The following RCAN2 variants were observed in gnomAD, a reference collection of about 807,000 sequenced individuals.
RCAN2 encodes calcipressin-2.
A neutral mutation model predicts 23.6 loss-of-function variants in RCAN2; 9 were observed. The observed-to-expected ratio is 0.38, with a 90% CI of 0.23 to 0.67. The LOEUF is 0.67. Ranked by LOEUF, RCAN2 falls within the 30% of genes least tolerant of loss-of-function variation. RCAN2 has a pLI of 0.51. For synonymous variants in RCAN2, 109 were observed against 115.7 expected (o/e 0.94, Z 0.37); for missense variants, 273 against 302.3 (o/e 0.90, Z 0.72).
intron 2 of RCAN2, among the ~76,000 whole-genome samples, chr6:46,371,018 T>G (rs538896821): frequency 1.6e-4 from 25 of 152,278 alleles, no homozygotes; most frequent in Non-Finnish European, 1.2e-4. Flanking sequence ...GTGGGTAGAT[T>G]TGGGGAGTAG....
At chr6:46,298,634 CA>C (rs1247646853) in intron 2 of RCAN2, among the ~76,000 whole-genome samples, 1 of 151,930 alleles carries the variant, frequency 6.6e-6, no homozygotes, top group Admixed American at 6.6e-5. Context: ...AAAAATTACC[CA>C]ACTTAAAACA....
intron 2 of RCAN2, among the ~76,000 whole-genome samples, chr6:46,366,144 A>G (rs141116642): frequency 7.4e-4 from 112 of 152,282 alleles, no homozygotes; most frequent in African/African-American, 2.5e-3. Context: ...CCCAGAACCA[A>G]TACAGCGTGG....
intron 2 of RCAN2, among the ~76,000 whole-genome samples, chr6:46,310,036 C>T (rs925078972): frequency 5.9e-5 from 9 of 152,092 alleles, no homozygotes; most frequent in Non-Finnish European, 1.3e-4. Flanking sequence ...TTATATACTA[C>T]CCATCCCTGG....
intron 2 of RCAN2, among the ~76,000 whole-genome samples, chr6:46,322,334 C>T (rs1052650692): frequency 3.3e-5 from 5 of 152,220 alleles, no homozygotes; most frequent in Admixed American, 6.5e-5. Flanking sequence ...GCAGAACAGA[C>T]GGCTAAGTTC....
intron 2 of RCAN2, among the ~76,000 whole-genome samples, chr6:46,252,508 T>C (rs1352685945): frequency 6.6e-6 from 1 of 152,244 alleles, no homozygotes; most frequent in African/African-American, 2.4e-5. Flanking sequence ...TTGAGGATCC[T>C]AAAGAATTTT....
At chr6:46,392,091 C>T (rs1765953171) in intron 2 of RCAN2, among the ~76,000 whole-genome samples, 1 of 152,128 alleles carries the variant, frequency 6.6e-6, no homozygotes, top group Admixed American at 6.5e-5. Flanking sequence ...TAATAGGCAA[C>T]CATATGCTTC....
At chr6:46,255,700 A>G (rs1766886636) in intron 2 of RCAN2, among the ~76,000 whole-genome samples, 1 of 152,128 alleles carries the variant, frequency 6.6e-6, no homozygotes, top group African/African-American at 2.4e-5. Context: ...GTTGAGGGAC[A>G]ACCATGAGCC....
intron 2 of RCAN2, among the ~76,000 whole-genome samples, chr6:46,403,843 C>G (rs921079532): frequency 3.3e-5 from 5 of 152,276 alleles, no homozygotes; most frequent in African/African-American, 1.2e-4. Flanking sequence ...GTAGAGTGTT[C>G]CAGAAACAGT....
chr6:46,259,735 G>A (rs193010934), intron 2 of RCAN2, among the ~76,000 whole-genome samples: 17 of 152,234 alleles, frequency 1.1e-4, no homozygotes, highest in South Asian at 1.0e-3. Flanking sequence ...CCAATTGCAC[G>A]TCCAGGCTTT....
intron 4 of RCAN2, among the ~76,000 whole-genome samples, chr6:46,242,156 T>G (rs1766328433): frequency 6.6e-6 from 1 of 152,116 alleles, no homozygotes; most frequent in African/African-American, 2.4e-5. Context: ...CACCCACAGG[T>G]TTGGGTCTGA....
chr6:46,233,717 AC>A (rs1562095043), intron 4 of RCAN2, among the ~76,000 whole-genome samples: 2 of 125,472 alleles, frequency 1.6e-5, no homozygotes, highest in South Asian at 2.8e-4. Context: ...GATGAAGAAC[AC>A]TTCTTTTTTT....
At chr6:46,401,513 A>T (rs940034394) in intron 2 of RCAN2, among the ~76,000 whole-genome samples, 4 of 152,170 alleles carry the variant, frequency 2.6e-5, no homozygotes, top group African/African-American at 9.6e-5. Context: ...ACAGCAAAAG[A>T]TCCCTCATAC....
chr6:46,485,073 A>G (rs1205202364), intron 1 of RCAN2, among the ~76,000 whole-genome samples: 1 of 152,232 alleles, frequency 6.6e-6, no homozygotes, highest in Non-Finnish European at 1.5e-5. Context: ...TTGAGCCAAT[A>G]GTCCCACTTC....
At chr6:46,266,871 C>T (rs190421403) in intron 2 of RCAN2, among the ~76,000 whole-genome samples, 4 of 152,226 alleles carry the variant, frequency 2.6e-5, no homozygotes, top group African/African-American at 4.8e-5. Context: ...CATCACCAGT[C>T]GGAGGCAGAC....
chr6:46,329,833 C>G (rs539009264), intron 2 of RCAN2, among the ~76,000 whole-genome samples: 1 of 152,316 alleles, frequency 6.6e-6, no homozygotes, highest in South Asian at 2.1e-4. Flanking sequence ...TGGACAGAGG[C>G]CATTGCCCTC....
At chr6:46,237,398 C>T (rs1228192515) in intron 4 of RCAN2, among the ~76,000 whole-genome samples, 2 of 152,170 alleles carry the variant, frequency 1.3e-5, no homozygotes, top group African/African-American at 4.8e-5. Flanking sequence ...GAAGAAGATC[C>T]TCTACATTCT....
At chr6:46,297,864 C>T (rs1347350796) in intron 2 of RCAN2, among the ~76,000 whole-genome samples, 2 of 152,000 alleles carry the variant, frequency 1.3e-5, no homozygotes, top group African/African-American at 2.4e-5. Flanking sequence ...CTTTAAGGCC[C>T]AAACGTTTTA....
chr6:46,473,222 C>A (rs1430318126), intron 1 of RCAN2, among the ~76,000 whole-genome samples: 1 of 152,132 alleles, frequency 6.6e-6, no homozygotes, highest in African/African-American at 2.4e-5. Context: ...CAATGCTTTT[C>A]TCTCCTTTCT....
intron 2 of RCAN2, among the ~76,000 whole-genome samples, chr6:46,365,616 T>C (rs956663817): frequency 1.3e-5 from 2 of 152,238 alleles, no homozygotes; most frequent in African/African-American, 4.8e-5. Context: ...AATATTGCTA[T>C]CCTTCAACAG....
Sources: allele counts gnomAD v4.1 joint callset (sites outside exome capture counted in the v4.1 genomes callset), GRCh38; gene constraint gnomAD v4.1.1; transcripts MANE v1.5; gene names NCBI Gene and HGNC (gene_info 2026-07-23, HGNC 2026-07-21).